Variants in PHACTR2 observed in about 807,000 individuals in gnomAD.
PHACTR2 encodes chromosome 6 open reading frame 56.
In PHACTR2, 30 loss-of-function variants were observed where a neutral mutation model predicts 76.0. The ratio of observed to expected loss-of-function variants is 0.39; its 90% CI spans 0.30 to 0.54. PHACTR2 has a LOEUF of 0.54. Ranked by LOEUF, PHACTR2 falls within the 20% of genes least tolerant of loss-of-function variation. PHACTR2 has a pLI of 0.61. For missense variants in PHACTR2, 696 were observed against 781.1 expected, an observed-to-expected ratio of 0.89 and a Z score of 1.30; for synonymous variants, 292 against 292.5, an observed-to-expected ratio of 1.00 and a Z score of 0.02.
chr6:143,708,948 T>G lies in PHACTR2; in HGVS notation c.47-3068T>G, dbSNP rs73577989. Reference sequence around the variant, plus strand: ...TGTAGCCACAGAGATGAATTTGAGATGGAAACTTTTGTTTCTATGTTCATA... The same window carrying G: ...TGTAGCCACAGAGATGAATTTGAGAGGGAAACTTTTGTTTCTATGTTCATA... On this transcript the variant is annotated intron_variant, in intron 1 of 12. Transcript: ENST00000440869. The surrounding 1 kb of genome is among the most constrained non-coding windows in gnomAD (Gnocchi z 5.5). 0.046 allele frequency among the ~76,000 whole-genome samples: 7,059 copies of G among 152,266 alleles called. 495 individuals carry two copies. The highest frequency in any genetic ancestry group is 0.16 in the African/African-American group (6,553 of 41,522).
At chr6:143,575,331 C>G (rs1030814648) in intron 1 of PHACTR2, among the ~76,000 whole-genome samples, 2 of 152,162 alleles carry the variant, frequency 1.3e-5, no homozygotes, top group Admixed American at 1.3e-4. Context: ...CATCGTTTTA[C>G]ATAATTTGTG....
At chr6:143,661,861 A>T (rs1477245482) in intron 1 of PHACTR2, among the ~76,000 whole-genome samples, 1 of 151,974 alleles carries the variant, frequency 6.6e-6, no homozygotes, top group East Asian at 1.9e-4. Flanking sequence ...CTGACCTAAA[A>T]TTTTCCCTTG....
In PHACTR2 at chr6:143,811,814, A is replaced by T. The variant is rs926192490; in HGVS notation, c.1922+4681A>T. Among the ~76,000 whole-genome samples the T allele has an allele frequency of 6.6e-6, 1 of 152,212 alleles. No homozygotes were observed. The highest frequency in any genetic ancestry group is 2.4e-5 in the African/African-American group (1 of 41,464). On this transcript the variant is annotated intron_variant, in intron 12 of 12. Coordinates refer to ENST00000440869, the MANE Select transcript of PHACTR2 (RefSeq NM_001100164.2). This position sits in a 1 kb window ranked among gnomAD's most constrained non-coding sequence, Gnocchi z 4.1. ...TTAAGGGGAAAAAGTTCTGGTAATCACTACTCTTTCTAATAAAAATAATAC... is the reference window on the plus strand; with the variant it reads ...TTAAGGGGAAAAAGTTCTGGTAATCTCTACTCTTTCTAATAAAAATAATAC...
rs1777440653 is a variant in PHACTR2 at position 143,683,319 on chromosome 6, A to G, written c.46+5110A>G. On this transcript the variant is annotated intron_variant, in intron 1 of 12. Coordinates refer to ENST00000440869, the MANE Select transcript of PHACTR2 (RefSeq NM_001100164.2). This position sits in a 1 kb window ranked among gnomAD's most constrained non-coding sequence, Gnocchi z 4.1. Reference sequence around the variant, plus strand: ...TAAGCAGCCTGACTGCTTTAAACCAATGATTATATGAATGAGAGGTATGTA... The same window carrying G: ...TAAGCAGCCTGACTGCTTTAAACCAGTGATTATATGAATGAGAGGTATGTA... Among the ~76,000 whole-genome samples, 1 of 152,224 alleles carries G rather than the reference A, an allele frequency of 6.6e-6. No individual in the cohort carries two copies. Among genetic ancestry groups the G allele is most frequent in the Non-Finnish European group, 1.5e-5 (1 of 68,044 alleles).
intron 1 of PHACTR2, among the ~76,000 whole-genome samples, chr6:143,638,142 C>G (rs568538188): frequency 1.3e-5 from 2 of 152,114 alleles, no homozygotes; most frequent in African/African-American, 2.4e-5. Flanking sequence ...AGACAGAAAC[C>G]ACAAATACTA....
At chr6:143,724,731 G>C (rs549974632) in intron 2 of PHACTR2, among the ~76,000 whole-genome samples, 34 of 152,224 alleles carry the variant, frequency 2.2e-4, no homozygotes, top group African/African-American at 6.7e-4. Flanking sequence ...CTTTTTTGTT[G>C]AGCCCTGGTT....
rs1055275613 is a variant in PHACTR2, at chr6:143,819,194, G to A, written c.1923-4480G>A. On this transcript the variant is annotated intron_variant, in intron 12 of 12. Transcript: ENST00000440869. The surrounding 1 kb of genome is among the most constrained non-coding windows in gnomAD (Gnocchi z 5.0). ...TATTGAGCACATCCCTAGTGAGCCA[G>A]ATTGTGTTCTGGACCCTGAGAGTTT... Among the ~76,000 whole-genome samples, 1 of 152,194 alleles carries A rather than the reference G, an allele frequency of 6.6e-6. No individual in the cohort carries two copies. Among genetic ancestry groups the A allele is most frequent in the African/African-American group, 2.4e-5 (1 of 41,450 alleles).
At chr6:143,756,560 G>A (rs960078392) in intron 4 of PHACTR2, among the ~76,000 whole-genome samples, 2 of 151,800 alleles carry the variant, frequency 1.3e-5, no homozygotes, top group Non-Finnish European at 2.9e-5. Context: ...TTAGCCGGGC[G>A]TGGTGGCGGG....
rs1776373341 is a variant in PHACTR2, at chr6:143,819,802, G to A, written c.1923-3872G>A. Among the ~76,000 whole-genome samples, 1 of 152,060 alleles carries A rather than the reference G, an allele frequency of 6.6e-6. No individual in the cohort carries two copies. Among genetic ancestry groups the A allele is most frequent in the Non-Finnish European group, 1.5e-5 (1 of 68,012 alleles). On this transcript the variant is annotated intron_variant, in intron 12 of 12. Coordinates refer to ENST00000440869, the MANE Select transcript of PHACTR2 (RefSeq NM_001100164.2). The surrounding 1 kb of genome is among the most constrained non-coding windows in gnomAD (Gnocchi z 5.0). Reference sequence around the variant, plus strand: ...CTACCTAGTCCACTCAGACTCACAAGCCAGTCCCTGAAAACACCCTCACAG... The same window carrying A: ...CTACCTAGTCCACTCAGACTCACAAACCAGTCCCTGAAAACACCCTCACAG...
rs1181039279 is a variant in PHACTR2 at position 143,821,672 on chromosome 6, A to G, written c.1923-2002A>G. ...GAACTCACAGAGTGAGACTGCATAAAGCGCAGATGGTAAGAGAGATAAAGG... is the reference window on the plus strand; with the variant it reads ...GAACTCACAGAGTGAGACTGCATAAGGCGCAGATGGTAAGAGAGATAAAGG... On this transcript the variant is annotated intron_variant, in intron 12 of 12. Coordinates refer to ENST00000440869, the MANE Select transcript of PHACTR2 (RefSeq NM_001100164.2). This position sits in a 1 kb window ranked among gnomAD's most constrained non-coding sequence, Gnocchi z 5.2. Among the ~76,000 whole-genome samples, 1 of 152,234 alleles carries G rather than the reference A, an allele frequency of 6.6e-6. No individual in the cohort carries two copies. The highest frequency in any genetic ancestry group is 1.5e-5 in the Non-Finnish European group (1 of 68,036).
chr6:143,658,325 A>G lies in PHACTR2; in HGVS notation c.13+50003A>G, dbSNP rs1296681349. 6.6e-6 allele frequency among the ~76,000 whole-genome samples: 1 copy of G among 152,224 alleles called. No individual in the cohort carries two copies. On this transcript the variant is annotated intron_variant, in intron 1 of 11. Coordinates refer to the PHACTR2 transcript ENST00000305766. The surrounding 1 kb of genome is among the most constrained non-coding windows in gnomAD (Gnocchi z 4.1). Reference sequence around the variant, plus strand: ...TCAGGTGAAACTTAAATATGAACTTAAAACTTAACCTGAAGTTGACCTCCT... The same window carrying G: ...TCAGGTGAAACTTAAATATGAACTTGAAACTTAACCTGAAGTTGACCTCCT...
At chr6:143,712,904 C>T (rs149438271) in intron 2 of PHACTR2, among the ~76,000 whole-genome samples, 4 of 152,296 alleles carry the variant, frequency 2.6e-5, no homozygotes, top group African/African-American at 9.6e-5. Flanking sequence ...AACTCGTGGA[C>T]AAAGCTGGCT....
chr6:143,696,387 G>A lies in PHACTR2; in HGVS notation c.47-15629G>A, dbSNP rs1375750727. On this transcript the variant is annotated intron_variant, in intron 1 of 12. Coordinates refer to ENST00000440869, the MANE Select transcript of PHACTR2 (RefSeq NM_001100164.2). The surrounding 1 kb of genome is among the most constrained non-coding windows in gnomAD (Gnocchi z 4.1). ...GGAAAATATTTTTCCAAGAAATTTT[G>A]CTGCCCCAATTGCTCCAAATCATAA... Among the ~76,000 whole-genome samples, 8 of 152,184 alleles carry A rather than the reference G, an allele frequency of 5.3e-5. No homozygotes were observed. In the South Asian group the frequency reaches 1.7e-3, roughly 32 times the overall value.
chr6:143,739,409 C>CGTTTTGG lies in PHACTR2; in HGVS notation c.215-9575_215-9574insTTTTGGG, dbSNP rs1778893187. Among the ~76,000 whole-genome samples the CGTTTTGG allele has an allele frequency of 6.6e-6, 1 of 152,024 alleles. No homozygotes were observed. On this transcript the variant is annotated intron_variant, in intron 2 of 12. Transcript: ENST00000440869. The surrounding 1 kb of genome is among the most constrained non-coding windows in gnomAD (Gnocchi z 4.3). ...GTTCTCTAGCCTGTTCTTTTTGGGACGAGATTAGAGTGTAATTTCTCTAGG... is the reference window on the plus strand; with the variant it reads ...GTTCTCTAGCCTGTTCTTTTTGGGACGTTTTGGGAGATTAGAGTGTAATTTCTCTAGG...
chr6:143,542,117 G>A (rs938884790), intron 1 of PHACTR2, among the ~76,000 whole-genome samples: 12 of 152,124 alleles, frequency 7.9e-5, no homozygotes, highest in African/African-American at 1.7e-4. Flanking sequence ...AGGCCAGCTC[G>A]GACAGTACAA....
chr6:143,789,084 G>C lies in PHACTR2; in HGVS notation c.1845+174G>C. The C allele has an allele frequency of 2.0e-6, 1 of 502,294 alleles. No homozygotes were observed. The highest frequency in any genetic ancestry group is 3.5e-6 in the Non-Finnish European group (1 of 283,884). The allele number at this position is 502,294 out of a possible 1,614,324, so 31.1% of individuals were successfully genotyped here. A position where few individuals can be genotyped will look rare whatever the true frequency, so the allele number is the denominator to read the frequency against. ...TGATACATTTAGTGATATCAATGTA[G>C]TTCTTTCAACTAAGTCTCAGAGAAA... On this transcript the variant is annotated intron_variant, in intron 11 of 12. Coordinates refer to ENST00000440869, the MANE Select transcript of PHACTR2 (RefSeq NM_001100164.2). This position sits in a 1 kb window ranked among gnomAD's most constrained non-coding sequence, Gnocchi z 5.1.
chr6:143,790,788 T>C (rs935454913), intron 11 of PHACTR2, among the ~76,000 whole-genome samples: 11 of 151,934 alleles, frequency 7.2e-5, no homozygotes, highest in Admixed American at 6.6e-5. Flanking sequence ...ATTCTCCTGC[T>C]TCAGCCTCCC....
At chr6:143,582,314 G>A (rs777212050) in intron 1 of PHACTR2, among the ~76,000 whole-genome samples, 1 of 152,050 alleles carries the variant, frequency 6.6e-6, no homozygotes, top group African/African-American at 2.4e-5. Context: ...TAGGAAACAC[G>A]CCACTAGGAG....
At chr6:143,601,127 G>A (rs73003380) in intron 1 of PHACTR2, among the ~76,000 whole-genome samples, 1 of 152,196 alleles carries the variant, frequency 6.6e-6, no homozygotes, top group Non-Finnish European at 1.5e-5. Context: ...CATAAAGAAA[G>A]TATTAGGCAC....
Sources: allele counts gnomAD v4.1 joint callset (sites outside exome capture counted in the v4.1 genomes callset), GRCh38; gene constraint gnomAD v4.1.1; non-coding constraint Gnocchi (gnomAD v3.1); transcripts MANE v1.5; gene names NCBI Gene and HGNC (gene_info 2026-07-23, HGNC 2026-07-21).